The following KCNMA1 variants were observed in gnomAD, a reference collection of about 807,000 sequenced individuals.
KCNMA1 encodes the protein Calcium-activated potassium channel subunit alpha-1.
KCNMA1 carries 29 observed loss-of-function variants against 140.0 expected under a neutral mutation model. That is an observed-to-expected ratio of 0.21 (90% CI 0.15 to 0.28). The LOEUF (loss-of-function observed/expected upper bound fraction) is 0.28. Among genes scored for constraint, KCNMA1 ranks in the 10% least tolerant of loss-of-function variants. The probability of loss-of-function intolerance (pLI) is 1.00; values close to 1 mark genes in which losing one functional copy is unlikely to be tolerated. For missense variants in KCNMA1, 880 were observed against 1,602.2 expected (o/e 0.55, Z 7.70); for synonymous variants, 612 against 611.9 (o/e 1.00, Z 0.00).
Position 77,362,365 on chromosome 10 carries a change from C to CCACACA in KCNMA1, c.540+41491_540+41496dup, listed in dbSNP as rs138917552. On this transcript the variant is annotated intron_variant, in intron 2 of 27. Coordinates refer to ENST00000286628, the MANE Select transcript of KCNMA1 (RefSeq NM_001161352.2). ...CCTATCCCCCCCCACCCCCCCCACCCCACACACACACACACACGATGCTGG... is the reference window on the plus strand; with the variant it reads ...CCTATCCCCCCCCACCCCCCCCACCCCACACACACACACACACACACACGATGCTGG... Among the ~76,000 whole-genome samples, 357 of 119,084 alleles carry CCACACA rather than the reference C, an allele frequency of 3.0e-3. 1 individual carries two copies. Among genetic ancestry groups the CCACACA allele is most frequent in the Middle Eastern group, 0.013 (3 of 234 alleles). The allele number at this position is 119,084 out of a possible 152,430, so 78.1% of individuals were successfully genotyped here.
chr10:77,393,224 C>T (rs949580225), intron 2 of KCNMA1, among the ~76,000 whole-genome samples: 9 of 152,132 alleles, frequency 5.9e-5, no homozygotes, highest in Admixed American at 5.2e-4. Flanking sequence ...TGGCCCTGCC[C>T]AGAGCTGCTC....
intron 2 of KCNMA1, among the ~76,000 whole-genome samples, chr10:77,389,419 G>A (rs1387022508): frequency 2.0e-5 from 3 of 152,160 alleles, no homozygotes; most frequent in Admixed American, 6.5e-5. Context: ...CTCTGGAGGA[G>A]GGATGGACTT....
At chr10:77,155,099 T>C (rs1259365932) in intron 5 of KCNMA1, among the ~76,000 whole-genome samples, 3 of 152,086 alleles carry the variant, frequency 2.0e-5, no homozygotes, top group South Asian at 4.1e-4. Flanking sequence ...TCTAAGGCCA[T>C]GGCAGGCTTT....
chr10:77,102,494 G>T (rs867473242), intron 9 of KCNMA1, among the ~76,000 whole-genome samples: 2 of 152,308 alleles, frequency 1.3e-5, no homozygotes, highest in Middle Eastern at 3.4e-3. Context: ...GGGAAGATAC[G>T]CAGGATGCCA....
In KCNMA1 at chr10:77,030,517, C is replaced by T. The variant is rs181178790; in HGVS notation, c.1860-2626G>A. ...TATGGATCGTGCAAAGGTTAATTTG[C>T]TAATATCCTATGAGCAATGACCAGT... On this transcript the variant is annotated intron_variant, in intron 15 of 27. Coordinates refer to ENST00000286628, the MANE Select transcript of KCNMA1 (RefSeq NM_001161352.2). 7.8e-3 allele frequency among the ~76,000 whole-genome samples: 1,189 copies of T among 152,238 alleles called. 16 individuals carry two copies. The highest frequency in any genetic ancestry group is 0.027 in the African/African-American group (1,121 of 41,550).
At chr10:77,537,787 A>G (rs1041979137) in intron 1 of KCNMA1, among the ~76,000 whole-genome samples, 4 of 151,888 alleles carry the variant, frequency 2.6e-5, no homozygotes, top group Non-Finnish European at 5.9e-5. Context: ...TCGTCACCCA[A>G]ATCATCACAG....
chr10:77,543,145 C>CTA (rs1329785838), intron 1 of KCNMA1, among the ~76,000 whole-genome samples: 1 of 152,148 alleles, frequency 6.6e-6, no homozygotes, highest in Non-Finnish European at 1.5e-5. Context: ...ACATCCCCTC[C>CTA]TATATCCCCT....
intron 1 of KCNMA1, among the ~76,000 whole-genome samples, chr10:77,631,614 A>T (rs1406732897): frequency 6.6e-6 from 1 of 152,196 alleles, no homozygotes; most frequent in African/African-American, 2.4e-5. Flanking sequence ...CTGTTTCTGC[A>T]CCAGGCCTCT....
intron 24 of KCNMA1, chr10:76,914,276 G>C: frequency 1.5e-6 from 1 of 658,600 alleles, no homozygotes; most frequent in Non-Finnish European, 2.7e-6. Context: ...TTGTCTTGGG[G>C]GAAGAGGCCA....
chr10:77,439,932 T>G (rs1026392227), intron 1 of KCNMA1, among the ~76,000 whole-genome samples: 1 of 152,148 alleles, frequency 6.6e-6, no homozygotes, highest in Non-Finnish European at 1.5e-5. Context: ...CAAAAGTTGT[T>G]CGAGCATAAA....
At chr10:76,949,765 C>T (rs572225790) in intron 21 of KCNMA1, among the ~76,000 whole-genome samples, 28 of 152,102 alleles carry the variant, frequency 1.8e-4, no homozygotes, top group Non-Finnish European at 3.5e-4. Context: ...AATGAGCTGC[C>T]TTTTCTGGCT....
At chr10:77,174,191 T>C (rs2098733508) in intron 5 of KCNMA1, among the ~76,000 whole-genome samples, 1 of 152,150 alleles carries the variant, frequency 6.6e-6, no homozygotes, top group Non-Finnish European at 1.5e-5. Flanking sequence ...TCCTTAAGTA[T>C]ATTTAATTTA....
At chr10:77,125,422 C>T (rs1240109967) in intron 5 of KCNMA1, among the ~76,000 whole-genome samples, 2 of 152,246 alleles carry the variant, frequency 1.3e-5, no homozygotes, top group Non-Finnish European at 2.9e-5. Flanking sequence ...GCTACTGCCC[C>T]AGGGCCTCTG....
intron 2 of KCNMA1, among the ~76,000 whole-genome samples, chr10:77,386,160 G>T (rs1414653551): frequency 6.6e-6 from 1 of 152,166 alleles, no homozygotes; most frequent in Admixed American, 6.5e-5. Context: ...GAAACATGGG[G>T]TCATCTTGAG....
At chr10:76,910,543 G>A (rs899797087) in intron 24 of KCNMA1, 5 of 280,302 alleles carry the variant, frequency 1.8e-5, no homozygotes, top group Admixed American at 1.4e-4. Flanking sequence ...GCGCTGGAAG[G>A]GGAGCACAGC....
intron 1 of KCNMA1, among the ~76,000 whole-genome samples, chr10:77,573,272 C>G (rs2072401492): frequency 6.6e-6 from 1 of 152,136 alleles, no homozygotes; most frequent in South Asian, 2.1e-4. Context: ...AGAGAGAGCC[C>G]AGTGGGCCTC....
intron 1 of KCNMA1, among the ~76,000 whole-genome samples, chr10:77,631,807 A>G (rs965282476): frequency 5.9e-5 from 9 of 152,206 alleles, no homozygotes; most frequent in African/African-American, 2.2e-4. Context: ...GGGGGCAGGC[A>G]GCTCTTCTTT....
intron 1 of KCNMA1, among the ~76,000 whole-genome samples, chr10:77,540,461 T>C (rs1329058238): frequency 6.6e-6 from 1 of 152,252 alleles, no homozygotes; most frequent in Non-Finnish European, 1.5e-5. Flanking sequence ...TTTCACAATG[T>C]TCATCTTCTT....
At chr10:77,317,747 C>T (rs1026967366) in intron 2 of KCNMA1, among the ~76,000 whole-genome samples, 3 of 152,222 alleles carry the variant, frequency 2.0e-5, no homozygotes, top group African/African-American at 7.2e-5. Context: ...TTGTCAGATG[C>T]TGGCAAAATT....
Sources: gnomAD v4.1 joint callset for allele counts (sites outside exome capture counted in the v4.1 genomes callset) on GRCh38, gnomAD v4.1.1 for gene constraint, MANE v1.5 for transcripts, NCBI Gene and HGNC (gene_info 2026-07-23, HGNC 2026-07-21) for gene names.